The following SLC30A7 variants were observed in gnomAD, a reference collection of about 807,000 sequenced individuals.
SLC30A7 encodes zinc transporter 7.
A neutral mutation model predicts 46.0 loss-of-function variants in SLC30A7; 35 were observed. The observed-to-expected ratio is 0.76, with a 90% CI of 0.58 to 1.01. The LOEUF is 1.01. Among genes scored for constraint, SLC30A7 ranks in the 50% least tolerant of loss-of-function variants. The pLI is 0.00. For synonymous variants in SLC30A7, 147 were observed against 157.8 expected, an observed-to-expected ratio of 0.93 and a Z score of 0.51; for missense variants, 464 against 451.1, an observed-to-expected ratio of 1.03 and a Z score of -0.26.
intron 8 of SLC30A7, among the ~76,000 whole-genome samples, chr1:100,942,726 T>A (rs1474230035): frequency 1.3e-5 from 2 of 152,252 alleles, no homozygotes; most frequent in Non-Finnish European, 2.9e-5. Flanking sequence ...AAGGCTGGTT[T>A]ATGAGTTATA....
rs1009297062 is a variant in SLC30A7 at position 100,976,667 on chromosome 1, A to C, written c.*1810A>C. ...CAATTATTAAGAATGTAGATCAATAAGTACTTTTTAGTGATGTGGCAGAAA... is the reference window on the plus strand; with the variant it reads ...CAATTATTAAGAATGTAGATCAATACGTACTTTTTAGTGATGTGGCAGAAA... On this transcript the variant is annotated 3_prime_UTR_variant, in exon 11 of 11. Transcript: ENST00000357650. The C allele has an allele frequency of 4.6e-5, 7 of 152,648 alleles. No homozygotes were observed. The highest frequency in any genetic ancestry group is 8.8e-5 in the Non-Finnish European group (6 of 68,052). The allele number at this position is 152,648 out of a possible 1,614,324, so 9.5% of individuals were successfully genotyped here.
intron 10 of SLC30A7, among the ~76,000 whole-genome samples, chr1:100,972,023 G>A (rs1016820601): frequency 7.2e-5 from 11 of 152,248 alleles, no homozygotes; most frequent in African/African-American, 2.6e-4. Flanking sequence ...GTTGACTGGA[G>A]TATGGTTTGT....
rs147202654 is a variant in SLC30A7, at chr1:100,968,606, C to T, written c.1083+2688C>T. 1.1e-3 allele frequency among the ~76,000 whole-genome samples: 171 copies of T among 152,262 alleles called. 2 individuals carry two copies. Among genetic ancestry groups the T allele is most frequent in the African/African-American group, 3.8e-3 (159 of 41,548 alleles). On this transcript the variant is annotated intron_variant, in intron 10 of 10. Coordinates refer to ENST00000357650, the MANE Select transcript of SLC30A7 (RefSeq NM_133496.5). The stretch of plus-strand genomic sequence containing the variant: ...GTCTGTCTCCTGCTTTTCATTGCCA[C>T]GTACTTTATACTCCAAACCCACCAG...
the SLC30A7 span, among the ~76,000 whole-genome samples, chr1:100,993,042 AAAGT>A: frequency 0.081 from 12,371 of 152,276 alleles, 664 homozygotes; most frequent in Middle Eastern, 0.19. Flanking sequence ...AAAACAATTC[AAAGT>A]AAGTGGCAAT....
At chr1:100,937,372 C>T (rs1570555090) in intron 8 of SLC30A7, among the ~76,000 whole-genome samples, 1 of 152,296 alleles carries the variant, frequency 6.6e-6, no homozygotes, top group South Asian at 2.1e-4. Flanking sequence ...ATAGCTGCCA[C>T]ACCAGTTTAC....
At chr1:100,962,509 T>C (rs1342817585) in intron 9 of SLC30A7, among the ~76,000 whole-genome samples, 1 of 152,172 alleles carries the variant, frequency 6.6e-6, no homozygotes, top group Non-Finnish European at 1.5e-5. Flanking sequence ...AAATTGCTAA[T>C]GTAAAAGTGC....
intron 5 of SLC30A7, among the ~76,000 whole-genome samples, chr1:100,913,201 G>A (rs1210160458): frequency 6.6e-6 from 1 of 152,060 alleles, no homozygotes; most frequent in Non-Finnish European, 1.5e-5. Context: ...CAGCTTTCTT[G>A]TGTCTGCCTT....
intron 6 of SLC30A7, among the ~76,000 whole-genome samples, chr1:100,915,837 G>A (rs1302664064): frequency 6.6e-6 from 1 of 151,982 alleles, no homozygotes. Flanking sequence ...GTTTTTTTGA[G>A]GACCCTCCAT....
At chr1:100,930,864 C>A (rs1347178592) in intron 8 of SLC30A7, among the ~76,000 whole-genome samples, 1 of 151,968 alleles carries the variant, frequency 6.6e-6, no homozygotes, top group Non-Finnish European at 1.5e-5. Context: ...ATAGTAAGAA[C>A]ATTTATAAAA....
the SLC30A7 span, among the ~76,000 whole-genome samples, chr1:100,992,265 T>A: frequency 6.6e-6 from 1 of 152,076 alleles, no homozygotes; most frequent in African/African-American, 2.4e-5. Flanking sequence ...GGAGGGAGAA[T>A]AAAAGAACGA....
intron 8 of SLC30A7, among the ~76,000 whole-genome samples, chr1:100,933,567 TC>T (rs900975992): frequency 2.0e-5 from 3 of 151,884 alleles, no homozygotes; most frequent in Admixed American, 2.0e-4. Context: ...CCCTCCCCAC[TC>T]CCCCCACTCT....
chr1:100,951,797 A>G (rs945127872), intron 8 of SLC30A7, among the ~76,000 whole-genome samples: 3 of 152,210 alleles, frequency 2.0e-5, no homozygotes, highest in Admixed American at 2.0e-4. Context: ...GGGCAGAAGA[A>G]TGGCCCCAAA....
At position 100,921,838 on chromosome 1, in the gene SLC30A7, TA is replaced by T; in HGVS notation, c.841del (p.Ser281ValfsTer6). 1 of 1,612,024 alleles carries T rather than the reference TA, an allele frequency of 6.2e-7. No homozygotes were observed. Among genetic ancestry groups the T allele is most frequent in the Non-Finnish European group, 8.5e-7 (1 of 1,179,394 alleles). On this transcript the variant is annotated frameshift_variant and splice_region_variant, in exon 8 of 11. Transcript: ENST00000357650. LOFTEE classifies it high-confidence loss of function. ...ATTCTTATAGCCATTCTTATAGTTG[TA>T]AGGTAAGTGTTATTGTTACTTTCAA... ...CSILIAILIV[V>X]SVIPLLRESV...
intron 8 of SLC30A7, among the ~76,000 whole-genome samples, chr1:100,937,309 A>G (rs1234217715): frequency 3.3e-5 from 5 of 152,142 alleles, no homozygotes; most frequent in African/African-American, 1.2e-4. Context: ...GAATTGCTGG[A>G]TCATATGGTA....
intron 10 of SLC30A7, among the ~76,000 whole-genome samples, chr1:100,971,757 G>A (rs574940476): frequency 4.3e-4 from 66 of 152,056 alleles, no homozygotes; most frequent in Non-Finnish European, 8.1e-4. Flanking sequence ...AATGATTTAG[G>A]TTTCACAAGG....
intron 9 of SLC30A7, among the ~76,000 whole-genome samples, chr1:100,965,036 T>G (rs1450313500): frequency 4.6e-5 from 7 of 152,222 alleles, no homozygotes; most frequent in African/African-American, 1.2e-4. Flanking sequence ...TTTTCTTAAC[T>G]TCCCAGGTAG....
At chr1:100,949,114 T>C (rs1234312616) in intron 8 of SLC30A7, among the ~76,000 whole-genome samples, 1 of 152,226 alleles carries the variant, frequency 6.6e-6, no homozygotes, top group Non-Finnish European at 1.5e-5. Context: ...CTCTGGTTTT[T>C]AGAATTTTCA....
intron 2 of SLC30A7, among the ~76,000 whole-genome samples, chr1:100,904,596 T>G (rs149604187): frequency 6.6e-6 from 1 of 152,128 alleles, no homozygotes; most frequent in East Asian, 1.9e-4. Flanking sequence ...ACATTATGAG[T>G]AAAAAACAGT....
In SLC30A7 at chr1:100,980,881, C is replaced by A. The variant is rs751047961; in HGVS notation, c.*6024C>A. The A allele has an allele frequency of 5.9e-5, 9 of 152,010 alleles. No homozygotes were observed. Among genetic ancestry groups the A allele is most frequent in the Non-Finnish European group, 1.2e-4 (8 of 67,926 alleles). 9.4% of individuals were successfully genotyped at this position (152,010 alleles called of 1,614,324 possible). A position where few individuals can be genotyped will look rare whatever the true frequency, so the allele number is the denominator to read the frequency against. On this transcript the variant is annotated 3_prime_UTR_variant, in exon 11 of 11. Transcript: ENST00000357650. ...TGTTTTTATGGAAAATTGCCATATT[C>A]ACATATTTCATTTATCCTAATGTAT...
Sources: gnomAD v4.1 joint callset for allele counts (sites outside exome capture counted in the v4.1 genomes callset) on GRCh38, gnomAD v4.1.1 for gene constraint, MANE v1.5 for transcripts, NCBI Gene and HGNC (gene_info 2026-07-23, HGNC 2026-07-21) for gene names.